Variants in TSPAN11 observed in about 807,000 individuals in gnomAD.
TSPAN11 encodes the protein tetraspanin 11, also known as tetraspanin-11.
Under a neutral mutation model 32.9 loss-of-function variants are expected in TSPAN11, and 29 were observed. The ratio of observed to expected loss-of-function variants is 0.88; its 90% CI spans 0.66 to 1.20. The LOEUF is 1.20. Ranked by LOEUF, TSPAN11 falls within the 50% of genes most tolerant of loss-of-function variation. The pLI is 0.00. For synonymous variants in TSPAN11, 140 were observed against 141.3 expected, an observed-to-expected ratio of 0.99 and a Z score of 0.07; for missense variants, 283 against 329.1, an observed-to-expected ratio of 0.86 and a Z score of 1.08.
chr12:30,963,794 A>G (rs1346969716), intron 2 of TSPAN11, 32 bp from the exon 3 acceptor site: 2 of 1,592,972 alleles, frequency 1.3e-6, no homozygotes, highest in Non-Finnish European at 1.7e-6. Context: ...GGCCCCCGCC[A>G]CCCCCTGCTC....
At chr12:30,978,354 G>A (rs149278323) in intron 3 of TSPAN11, 48 of 604,572 alleles carry the variant, frequency 7.9e-5, no homozygotes, top group Middle Eastern at 4.3e-4. Flanking sequence ...GGTACATGCC[G>A]TACTGAATTG....
chr12:30,941,462 A>G (rs1938162580), intron 1 of TSPAN11, among the ~76,000 whole-genome samples: 1 of 152,256 alleles, frequency 6.6e-6, no homozygotes, highest in Non-Finnish European at 1.5e-5. Flanking sequence ...TCTTGGAATC[A>G]GGCCACATTT....
At chr12:30,982,783 G>A in intron 6 of TSPAN11, 93 bp downstream of exon 6, 15 of 1,468,530 alleles carry the variant, frequency 1.0e-5, no homozygotes, top group South Asian at 1.4e-5. Context: ...GGTGGGTGTG[G>A]GAAAAGCAGG....
chr12:30,979,631 C>T lies in TSPAN11; in HGVS notation c.417C>T (p.Ala139=). Residue 139 remains alanine (A), a synonymous_variant, in exon 5 of 8, where the codon GCC becomes GCT. Transcript: ENST00000546076. ...CTGAGAACTACGGGCAGCCCGGAGC[C>T]ACGCAGATCACCGCCTCAGTGGACC... ...TLAENYGQPG[A]TQITASVDRL... 1 of 1,614,188 alleles carries T rather than the reference C, an allele frequency of 6.2e-7. No homozygotes were observed. Among genetic ancestry groups the T allele is most frequent in the Non-Finnish European group, 8.5e-7 (1 of 1,180,046 alleles).
chr12:30,949,813 G>C (rs1938346134), intron 1 of TSPAN11, among the ~76,000 whole-genome samples: 1 of 152,136 alleles, frequency 6.6e-6, no homozygotes, highest in Admixed American at 6.5e-5. Context: ...AGATGAAAGT[G>C]AGCGCTTGCT....
rs759010524 is a variant in TSPAN11 at position 30,982,493 on chromosome 12, C to T, written c.457-39C>T. ...CCTGCAGCCTGGGACCCTACGCAGGCCTCTCACCTCCAGCCTCTGCCTCTG... is the reference window on the plus strand; with the variant it reads ...CCTGCAGCCTGGGACCCTACGCAGGTCTCTCACCTCCAGCCTCTGCCTCTG... On this transcript the variant is annotated intron_variant, in intron 5 of 7. Coordinates refer to ENST00000546076, the MANE Select transcript of TSPAN11 (RefSeq NM_001370302.1). 3 of 1,586,202 alleles carry T rather than the reference C, an allele frequency of 1.9e-6. No homozygotes were observed. The African/African-American group carries it at 4.0e-5, about 21-fold the overall frequency.
At position 30,982,021 on chromosome 12, in the gene TSPAN11, C is replaced by CT. The variant is rs879313907; in HGVS notation, c.457-510dup. The stretch of plus-strand genomic sequence containing the variant: ...CAGGTCTTAGCACTCATGACAGCCC[C>CT]TCTGGTTGACACTGGTCTCCCAGTG... On this transcript the variant is annotated intron_variant, in intron 5 of 7. Transcript: ENST00000546076. 5.9e-5 allele frequency among the ~76,000 whole-genome samples: 9 copies of CT among 152,208 alleles called. No homozygotes were observed. In the East Asian group the frequency reaches 1.7e-3, roughly 29 times the overall value.
At chr12:30,985,823 C>T (rs1217180420) in intron 7 of TSPAN11, among the ~76,000 whole-genome samples, 3 of 152,238 alleles carry the variant, frequency 2.0e-5, no homozygotes, top group Non-Finnish European at 4.4e-5. Context: ...TTGAAGAGGT[C>T]AGGTTGTTGA....
At chr12:30,979,036 C>A (rs1939032914) in intron 4 of TSPAN11, 1 of 268,788 alleles carries the variant, frequency 3.7e-6, no homozygotes, top group Admixed American at 4.7e-5. Context: ...TGGAGTGAGT[C>A]CTAGAGTCAG....
intron 2 of TSPAN11, among the ~76,000 whole-genome samples, chr12:30,963,045 C>T (rs1039323641): frequency 4.0e-4 from 61 of 152,336 alleles, no homozygotes; most frequent in African/African-American, 1.4e-3. Flanking sequence ...AAGGAGGCAT[C>T]CCCCTATCTG....
rs543835650 is a variant in TSPAN11, at chr12:30,993,284, C to T, written c.*1369C>T. The T allele has an allele frequency of 6.6e-6, 1 of 152,394 alleles. No homozygotes were observed. Among genetic ancestry groups the T allele is most frequent in the Non-Finnish European group, 1.5e-5 (1 of 68,082 alleles). 9.4% of individuals were successfully genotyped at this position (152,394 alleles called of 1,614,324 possible). A position where few individuals can be genotyped will look rare whatever the true frequency, so the allele number is the denominator to read the frequency against. On this transcript the variant is annotated 3_prime_UTR_variant, in exon 8 of 8. Coordinates refer to ENST00000546076, the MANE Select transcript of TSPAN11 (RefSeq NM_001370302.1). ...GCCAAGGCTGAGCGAGGTCCCAGCT[C>T]ACCTCCCTGCTTGATCCAGATTGCA...
intron 2 of TSPAN11, among the ~76,000 whole-genome samples, chr12:30,961,835 G>T (rs972175372): frequency 5.3e-5 from 8 of 152,060 alleles, no homozygotes; most frequent in African/African-American, 1.9e-4. Context: ...AAGCCTTCCA[G>T]GCATGCTGAA....
At chr12:30,931,218 T>C (rs1206299916) in intron 1 of TSPAN11, among the ~76,000 whole-genome samples, 1 of 152,224 alleles carries the variant, frequency 6.6e-6, no homozygotes, top group Non-Finnish European at 1.5e-5. Flanking sequence ...AATGTGTTTC[T>C]CTATCTTAAA....
downstream of TSPAN11, chr12:30,999,451 G>A (rs970447998): frequency 6.6e-5 from 10 of 152,180 alleles, no homozygotes; most frequent in African/African-American, 2.2e-4. Flanking sequence ...GCTTAGCCTG[G>A]CCTACCTTAA....
At chr12:30,957,713 T>A (rs1274722424) in intron 2 of TSPAN11, among the ~76,000 whole-genome samples, 1 of 42,990 alleles carries the variant, frequency 2.3e-5, no homozygotes, top group Non-Finnish European at 3.7e-5. Flanking sequence ...CCCTCCTTCC[T>A]TCCTTCCTTC....
intron 3 of TSPAN11, among the ~76,000 whole-genome samples, chr12:30,972,857 T>C (rs1938879720): frequency 6.6e-6 from 1 of 151,798 alleles, no homozygotes; most frequent in African/African-American, 2.4e-5. Flanking sequence ...GCCCCACTGG[T>C]GCCCAGGACA....
intron 5 of TSPAN11, among the ~76,000 whole-genome samples, chr12:30,980,788 G>A (rs572789003): frequency 6.6e-6 from 1 of 152,200 alleles, no homozygotes; most frequent in South Asian, 2.1e-4. Context: ...AGACACACTC[G>A]CACCCCATGG....
At chr12:31,003,898 C>CA in the TSPAN11 span, among the ~76,000 whole-genome samples, 11 of 152,296 alleles carry the variant, frequency 7.2e-5, no homozygotes, top group African/African-American at 2.6e-4. Context: ...TCCCACCTGC[C>CA]AAAAATATGA....
intron 1 of TSPAN11, among the ~76,000 whole-genome samples, chr12:30,940,118 A>G (rs575056825): frequency 1.6e-4 from 24 of 152,366 alleles, no homozygotes; most frequent in African/African-American, 5.8e-4. Flanking sequence ...CCATCTACAC[A>G]GAAATGCATC....
Sources: allele counts gnomAD v4.1 joint callset (sites outside exome capture counted in the v4.1 genomes callset), GRCh38; gene constraint gnomAD v4.1.1; transcripts MANE v1.5; gene names NCBI Gene and HGNC (gene_info 2026-07-23, HGNC 2026-07-21).